The following SLC38A4 variants were observed in gnomAD, a reference collection of about 807,000 sequenced individuals.
SLC38A4 encodes the protein solute carrier family 38 member 4.
SLC38A4 carries 20 observed loss-of-function variants against 63.1 expected under a neutral mutation model. The observed-to-expected ratio is 0.32, with a 90% CI of 0.22 to 0.46. SLC38A4 has a LOEUF of 0.46. Among genes scored for constraint, SLC38A4 ranks in the 20% least tolerant of loss-of-function variants. The pLI, the probability that SLC38A4 is intolerant of heterozygous loss-of-function variation, is 1.00. For synonymous variants in SLC38A4, 230 were observed against 225.5 expected (o/e 1.02, Z -0.18); for missense variants, 526 against 663.6 (o/e 0.79, Z 2.28).
At chr12:46,768,625 T>A (rs571343963) in intron 15 of SLC38A4, among the ~76,000 whole-genome samples, 1 of 152,238 alleles carries the variant, frequency 6.6e-6, no homozygotes, top group South Asian at 2.1e-4. Context: ...GCTGCATAAG[T>A]ATATGCAACA....
intron 7 of SLC38A4, among the ~76,000 whole-genome samples, chr12:46,780,738 G>A (rs1938621483): frequency 6.6e-6 from 1 of 151,862 alleles, no homozygotes. Context: ...ATTTCTTGAT[G>A]AAATCTACAA....
chr12:46,777,473 G>T (rs1353831787), intron 12 of SLC38A4, among the ~76,000 whole-genome samples: 1 of 151,970 alleles, frequency 6.6e-6, no homozygotes, highest in East Asian at 1.9e-4. Context: ...CAATTGTCAG[G>T]CTTCTGGAGT....
chr12:46,800,945 G>A (rs1939119732), intron 2 of SLC38A4, among the ~76,000 whole-genome samples: 1 of 152,082 alleles, frequency 6.6e-6, no homozygotes, highest in Non-Finnish European at 1.5e-5. Flanking sequence ...GTTGCACAGG[G>A]AATGTTCAAA....
intron 1 of SLC38A4, among the ~76,000 whole-genome samples, chr12:46,811,159 G>A (rs1005316594): frequency 6.6e-6 from 1 of 151,938 alleles, no homozygotes; most frequent in Admixed American, 6.6e-5. Context: ...CAGATTTTAT[G>A]CTAGGGGCTA....
intron 1 of SLC38A4, among the ~76,000 whole-genome samples, chr12:46,821,551 GTTGTC>G (rs1939551426): frequency 6.6e-6 from 1 of 151,768 alleles, no homozygotes; most frequent in Non-Finnish European, 1.5e-5. Context: ...TACAGCTTTT[GTTGTC>G]TTGTTTGTTT....
At chr12:46,808,013 T>A (rs1939268829) in intron 1 of SLC38A4, among the ~76,000 whole-genome samples, 1 of 152,020 alleles carries the variant, frequency 6.6e-6, no homozygotes, top group African/African-American at 2.4e-5. Flanking sequence ...TTCTATTTTT[T>A]TAAGACACCA....
intron 1 of SLC38A4, among the ~76,000 whole-genome samples, chr12:46,831,081 G>A (rs1939725135): frequency 6.6e-6 from 1 of 152,184 alleles, no homozygotes; most frequent in Non-Finnish European, 1.5e-5. Context: ...CAAAGTAAGG[G>A]CAATCTTCCA....
chr12:46,779,896 A>G lies in SLC38A4; in HGVS notation c.576-34T>C, dbSNP rs754214251. 77 of 1,610,130 alleles carry G rather than the reference A, an allele frequency of 4.8e-5. No homozygotes were observed. The South Asian group carries it at 8.2e-4, about 17-fold the overall frequency. On this transcript the variant is annotated intron_variant, in intron 8 of 16. Coordinates refer to ENST00000266579, the MANE Select transcript of SLC38A4 (RefSeq NM_018018.5). ...GAGAGACAAGGATATTAGAATCAGA[A>G]AAGACCAAGTAGAATGAGTCACTTG...
In SLC38A4 at chr12:46,817,800, C is replaced by T. The variant is rs147595914; in HGVS notation, c.-305+8103G>A. Among the ~76,000 whole-genome samples, 122 of 151,974 alleles carry T rather than the reference C, an allele frequency of 8.0e-4. 3 individuals carry two copies. The highest frequency in any genetic ancestry group is 2.5e-3 in the African/African-American group (102 of 41,466). On this transcript the variant is annotated intron_variant, in intron 1 of 16. Transcript: ENST00000266579. ...AATTCATGCAACTTCCTAAAAGATA[C>T]ATTGAAGCAAATTCATACTATGATT...
At chr12:46,787,769 G>C in intron 5 of SLC38A4, 147 bp downstream of exon 5, 1 of 560,676 alleles carries the variant, frequency 1.8e-6, no homozygotes, top group Non-Finnish European at 3.1e-6. Context: ...CTGCCGTTGG[G>C]TTAGGGATGG....
At chr12:46,769,827 C>A (rs940582996) in intron 14 of SLC38A4, among the ~76,000 whole-genome samples, 55 of 152,188 alleles carry the variant, frequency 3.6e-4, no homozygotes, top group African/African-American at 1.3e-3. Context: ...GAGTACTAGG[C>A]TATGCCATAT....
intron 1 of SLC38A4, among the ~76,000 whole-genome samples, chr12:46,816,914 G>A (rs1298016557): frequency 4.6e-5 from 7 of 151,764 alleles, no homozygotes. Context: ...TAACTATGTA[G>A]GAAGTAACAG....
chr12:46,808,523 T>TAA (rs5798001), intron 1 of SLC38A4, among the ~76,000 whole-genome samples: 99 of 150,530 alleles, frequency 6.6e-4, no homozygotes, highest in South Asian at 1.9e-3. Flanking sequence ...AAAATTAAAT[T>TAA]AAAAAAAAAA....
intron 2 of SLC38A4, among the ~76,000 whole-genome samples, chr12:46,801,912 A>G (rs1037375938): frequency 4.6e-5 from 7 of 152,090 alleles, no homozygotes; most frequent in African/African-American, 1.7e-4. Context: ...GCAGAACTGT[A>G]CTTGACTATT....
upstream of SLC38A4, among the ~76,000 whole-genome samples, chr12:46,830,964 T>A (rs566141890): frequency 6.6e-6 from 1 of 152,326 alleles, no homozygotes; most frequent in African/African-American, 2.4e-5. Flanking sequence ...CCTCTGCAAA[T>A]GCCCTGGCAC....
At chr12:46,800,660 C>G (rs1939113675) in intron 2 of SLC38A4, among the ~76,000 whole-genome samples, 1 of 152,068 alleles carries the variant, frequency 6.6e-6, no homozygotes, top group Admixed American at 6.6e-5. Context: ...ATTTATCACA[C>G]TTCTTACTTA....
At chr12:46,778,858 TA>T in intron 10 of SLC38A4, 82 bp from the exon 11 acceptor site, 1 of 1,329,582 alleles carries the variant, frequency 7.5e-7, no homozygotes, top group Non-Finnish European at 1.0e-6. Context: ...GTGTGGCTTA[TA>T]GGGTGGGGGG....
intron 5 of SLC38A4, among the ~76,000 whole-genome samples, chr12:46,786,042 GACC>G (rs1308069791): frequency 1.3e-5 from 2 of 151,680 alleles, no homozygotes; most frequent in Non-Finnish European, 2.9e-5. Context: ...TGTACATTTG[GACC>G]ATGAATTATA....
At chr12:46,802,531 A>G (rs1939151371) in intron 2 of SLC38A4, among the ~76,000 whole-genome samples, 1 of 152,040 alleles carries the variant, frequency 6.6e-6, no homozygotes, top group East Asian at 1.9e-4. Context: ...TTAAAGCTAC[A>G]TTTTTCAGAT....
Sources: gnomAD v4.1 joint callset for allele counts (sites outside exome capture counted in the v4.1 genomes callset) on GRCh38, gnomAD v4.1.1 for gene constraint, MANE v1.5 for transcripts, NCBI Gene and HGNC (gene_info 2026-07-23, HGNC 2026-07-21) for gene names.